Variants in IL6R observed in about 807,000 individuals in gnomAD.
IL6R encodes interleukin-6 receptor subunit alpha.
Under a neutral mutation model 48.3 loss-of-function variants are expected in IL6R, and 38 were observed. The ratio of observed to expected loss-of-function variants is 0.79; its 90% CI spans 0.61 to 1.03. The LOEUF is 1.03. IL6R is among the 50% of genes least tolerant of loss of function. The pLI is 0.00. For missense variants in IL6R, 534 were observed against 618.3 expected, an observed-to-expected ratio of 0.86 and a Z score of 1.45; for synonymous variants, 264 against 256.2, an observed-to-expected ratio of 1.03 and a Z score of -0.29.
chr1:154,405,466 G>T lies in IL6R; in HGVS notation c.-164G>T, dbSNP rs1170911885. The T allele has an allele frequency of 1.7e-6, 1 of 603,132 alleles. No homozygotes were observed. Among genetic ancestry groups the T allele is most frequent in the South Asian group, 2.2e-5 (1 of 45,706 alleles). 37.4% of individuals were successfully genotyped at this position (603,132 alleles called of 1,614,324 possible). A position where few individuals can be genotyped will look rare whatever the true frequency, so the allele number is the denominator to read the frequency against. On this transcript the variant is annotated 5_prime_UTR_variant, in exon 1 of 10. Transcript: ENST00000368485. The surrounding 1 kb of genome is among the most constrained non-coding windows in gnomAD (Gnocchi z 5.2). ...AGCGCGGCGCGGGGCCGAGGGACTC[G>T]CAGTGTGTGTAGAGAGCCGGGCTCC...
At chr1:154,465,011 T>G (rs959100581) in intron 9 of IL6R, 123 bp from the exon 10 acceptor site, 57 of 1,084,450 alleles carry the variant, frequency 5.3e-5, no homozygotes, top group Non-Finnish European at 7.8e-5. Context: ...TTATTGCTCC[T>G]TTGAGCCGAA....
intron 8 of IL6R, among the ~76,000 whole-genome samples, chr1:154,451,240 G>A (rs1021640754): frequency 3.3e-5 from 5 of 152,166 alleles, no homozygotes; most frequent in African/African-American, 9.7e-5. Context: ...GCTATGGGCC[G>A]GGCGCGGTGG....
At chr1:154,442,162 T>C (rs1689972481) in intron 6 of IL6R, among the ~76,000 whole-genome samples, 1 of 152,198 alleles carries the variant, frequency 6.6e-6, no homozygotes, top group Middle Eastern at 3.4e-3. Flanking sequence ...GGTTTTAGTA[T>C]GTGCTTGAGG....
At chr1:154,445,229 C>A in intron 6 of IL6R, 1 of 392,884 alleles carries the variant, frequency 2.5e-6, no homozygotes, top group Non-Finnish European at 5.2e-6. Flanking sequence ...GGTCCCCTTG[C>A]TCAGCACGCA....
At chr1:154,406,952 T>C (rs1365852257) in intron 1 of IL6R, among the ~76,000 whole-genome samples, 1 of 152,148 alleles carries the variant, frequency 6.6e-6, no homozygotes, top group Non-Finnish European at 1.5e-5. Flanking sequence ...GAGACTGAGG[T>C]TCAGGGAGGT....
intron 1 of IL6R, among the ~76,000 whole-genome samples, chr1:154,409,814 G>C (rs942188437): frequency 3.3e-5 from 5 of 152,154 alleles, no homozygotes; most frequent in African/African-American, 4.8e-5. Flanking sequence ...GTATGCTAGC[G>C]ACTAGTGCTA....
chr1:154,438,821 G>A (rs760743478), intron 6 of IL6R, among the ~76,000 whole-genome samples: 2 of 152,124 alleles, frequency 1.3e-5, no homozygotes, highest in African/African-American at 2.4e-5. Flanking sequence ...ATGAAGTGCC[G>A]GCTTCCATCT....
chr1:154,446,155 G>C (rs999544125), intron 6 of IL6R, among the ~76,000 whole-genome samples: 2 of 152,150 alleles, frequency 1.3e-5, no homozygotes, highest in Non-Finnish European at 2.9e-5. Context: ...GTGTGTAACT[G>C]TCCTCTGCTG....
At position 154,465,360 on chromosome 1, in the gene IL6R, G is replaced by T. The variant is rs1188676544; in HGVS notation, c.1387G>T (p.Asp463Tyr). The T allele has an allele frequency of 6.2e-7, 1 of 1,614,164 alleles. No individual in the cohort carries two copies. Among genetic ancestry groups the T allele is most frequent in the Non-Finnish European group, 8.5e-7 (1 of 1,180,018 alleles). Residue 463 changes from aspartate (D) to tyrosine (Y), a missense_variant, in exon 10 of 10, where the codon GAC becomes TAC. Transcript: ENST00000368485. ...PRSPYDISNT[D>Y]YFFPR Reference sequence around the variant, plus strand: ...GAGCCCTTATGACATCAGCAATACAGACTACTTCTTCCCCAGATAGCTGGC... The same window carrying T: ...GAGCCCTTATGACATCAGCAATACATACTACTTCTTCCCCAGATAGCTGGC...
intron 6 of IL6R, among the ~76,000 whole-genome samples, chr1:154,436,639 G>A (rs1271424233): frequency 2.0e-5 from 3 of 152,168 alleles, no homozygotes; most frequent in Admixed American, 6.5e-5. Flanking sequence ...CATGTCTGAC[G>A]ATGGTGCTGG....
chr1:154,409,356 T>G (rs1033883105), intron 1 of IL6R, among the ~76,000 whole-genome samples: 76 of 152,280 alleles, frequency 5.0e-4, no homozygotes, highest in African/African-American at 1.8e-3. Flanking sequence ...TATCCCCCTC[T>G]GCCTTCTGCT....
intron 1 of IL6R, among the ~76,000 whole-genome samples, chr1:154,411,673 A>G (rs947883228): frequency 4.6e-5 from 7 of 152,106 alleles, no homozygotes; most frequent in Non-Finnish European, 8.8e-5. Flanking sequence ...CAGCTAGGGG[A>G]CCTTTGGGCA....
intron 6 of IL6R, among the ~76,000 whole-genome samples, chr1:154,447,265 C>A (rs1178878474): frequency 6.6e-6 from 1 of 151,134 alleles, no homozygotes; most frequent in African/African-American, 2.4e-5. Flanking sequence ...ATGGTGAAAC[C>A]CTGTCTCTAC....
At chr1:154,435,301 G>A in intron 5 of IL6R, 145 bp downstream of exon 5, 1 of 688,192 alleles carries the variant, frequency 1.5e-6, no homozygotes, top group South Asian at 1.8e-5. Context: ...CTTGAGGTCA[G>A]GAGTTCGAGA....
At chr1:154,414,964 C>T (rs540338848) in intron 1 of IL6R, 1,006 of 1,397,416 alleles carry the variant, frequency 7.2e-4, no homozygotes, top group Non-Finnish European at 8.4e-4. Flanking sequence ...CCACTGGCCC[C>T]GATCTTCAGT....
chr1:154,442,113 G>A (rs1467324830), intron 6 of IL6R, among the ~76,000 whole-genome samples: 1 of 152,134 alleles, frequency 6.6e-6, no homozygotes, highest in Non-Finnish European at 1.5e-5. Context: ...GAATCTGGAG[G>A]AGGAAGTAGA....
intron 8 of IL6R, among the ~76,000 whole-genome samples, chr1:154,451,832 G>T (rs1213490081): frequency 6.6e-6 from 1 of 152,034 alleles, no homozygotes; most frequent in Admixed American, 6.5e-5. Context: ...CACCGCGCCT[G>T]GCCAGCATTC....
chr1:154,407,786 G>A (rs538620684), intron 1 of IL6R, among the ~76,000 whole-genome samples: 2 of 152,260 alleles, frequency 1.3e-5, no homozygotes, highest in Admixed American at 6.5e-5. Flanking sequence ...CTTCTCAGGT[G>A]TACTCGTTGT....
intron 6 of IL6R, among the ~76,000 whole-genome samples, chr1:154,442,703 G>C (rs914660558): frequency 6.6e-6 from 1 of 152,218 alleles, no homozygotes; most frequent in Non-Finnish European, 1.5e-5. Flanking sequence ...CTCTCAAGCG[G>C]GAGTTCTGAA....
Sources: allele counts gnomAD v4.1 joint callset (sites outside exome capture counted in the v4.1 genomes callset), GRCh38; gene constraint gnomAD v4.1.1; non-coding constraint Gnocchi (gnomAD v3.1); transcripts MANE v1.5; gene names NCBI Gene and HGNC (gene_info 2026-07-23, HGNC 2026-07-21).